ZNF596: variants seen among roughly 807,000 people sequenced by gnomAD.
ZNF596 encodes zinc finger protein 596.
Under a neutral mutation model 48.3 loss-of-function variants are expected in ZNF596, and 45 were observed. The ratio of observed to expected loss-of-function variants is 0.93; its 90% CI spans 0.73 to 1.19. ZNF596 has a LOEUF of 1.19. Among genes scored for constraint, ZNF596 ranks in the 50% most tolerant of loss-of-function variants. ZNF596 has a pLI of 0.00. For missense variants in ZNF596, 848 were observed against 599.7 expected, an observed-to-expected ratio of 1.41 and a Z score of -4.32; for synonymous variants, 270 against 202.0, an observed-to-expected ratio of 1.34 and a Z score of -2.85.
rs911726801 is a variant in ZNF596 at position 246,426 on chromosome 8, G to C, written c.*64G>C. ...GACAAACATACTACAGGAATATTAT[G>C]TCTGTAATCAGTGTGGAAAAGCCTT... is the stretch of plus-strand genomic sequence containing the variant. On this transcript the variant is annotated 3_prime_UTR_variant, in exon 6 of 6. Transcript: ENST00000398612. The C allele has an allele frequency of 4.7e-6, 7 of 1,502,908 alleles. No individual in the cohort carries two copies. The highest frequency in any genetic ancestry group is 6.2e-6 in the Non-Finnish European group (7 of 1,128,026). 93.1% of individuals were successfully genotyped at this position (1,502,908 alleles called of 1,614,324 possible).
Position 246,401 on chromosome 8 carries a change from G to T in ZNF596, c.*39G>T. 6.5e-7 allele frequency: 1 copy of T among 1,530,594 alleles called. No homozygotes were observed. The allele number at this position is 1,530,594 out of a possible 1,614,324, so 94.8% of individuals were successfully genotyped here. A position where few individuals can be genotyped will look rare whatever the true frequency, so the allele number is the denominator to read the frequency against. On this transcript the variant is annotated 3_prime_UTR_variant, in exon 6 of 6. Coordinates refer to ENST00000398612, the MANE Select transcript of ZNF596 (RefSeq NM_001042416.3). Reference sequence around the variant, plus strand: ...TAGCGTTAACACTAAATACACCAAGGACAAACATACTACAGGAATATTATG... The same window carrying T: ...TAGCGTTAACACTAAATACACCAAGTACAAACATACTACAGGAATATTATG...
intron 5 of ZNF596, 36 bp downstream of exon 5, chr8:244,737 T>A: frequency 6.4e-7 from 1 of 1,552,048 alleles, no homozygotes; most frequent in Non-Finnish European, 8.8e-7. Context: ...TTCTTACATA[T>A]AGAAACCTGG....
In ZNF596 at chr8:245,995, G is replaced by C. The variant is rs750470074; in HGVS notation, c.1148G>C (p.Arg383Thr). The C allele has an allele frequency of 3.7e-6, 6 of 1,613,698 alleles. No individual in the cohort carries two copies. The South Asian group carries it at 4.4e-5, about 12-fold the overall frequency. Residue 383 changes from arginine to threonine, a missense_variant, in exon 6 of 6, where the codon AGA becomes ACA. Physicochemically the swap from Arg to Thr is moderately conservative, Grantham distance 71. Coordinates refer to ENST00000398612, the MANE Select transcript of ZNF596 (RefSeq NM_001042416.3). ...TESSVLKRHE[R>T]IHTGEKPYEC... ...TCTTCTGTGCTTAAACGACATGAGA[G>C]AATTCACACTGGAGAGAAACCATAT...
chr8:236,778 G>A (rs1208186856), intron 1 of ZNF596, among the ~76,000 whole-genome samples: 2 of 152,158 alleles, frequency 1.3e-5, no homozygotes, highest in African/African-American at 2.4e-5. Context: ...AACCATACCA[G>A]TGATGGCCAG....
intron 2 of ZNF596, 126 bp from the exon 3 acceptor site, chr8:242,761 C>G: frequency 2.3e-6 from 2 of 870,864 alleles, no homozygotes; most frequent in Non-Finnish European, 3.1e-6. Flanking sequence ...GACAGGAACC[C>G]CAAACACTGT....
At chr8:239,680 G>A (rs542347975) in intron 1 of ZNF596, among the ~76,000 whole-genome samples, 5 of 152,144 alleles carry the variant, frequency 3.3e-5, no homozygotes. Flanking sequence ...CCAAGCAGTT[G>A]GGGGGTACCA....
Position 236,967 on chromosome 8 carries a change from G to A in ZNF596, c.-72-3857G>A, listed in dbSNP as rs1271692859. On this transcript the variant is annotated intron_variant, in intron 1 of 5. Coordinates refer to ENST00000398612, the MANE Select transcript of ZNF596 (RefSeq NM_001042416.3). ...CTTCAAAATAACTTAGGTTACAAAG[G>A]AACTAGAAGTGATTTCACATGTAAG... is the stretch of plus-strand genomic sequence containing the variant. 8 of 152,126 alleles carry A rather than the reference G, an allele frequency of 5.3e-5. No individual in the cohort carries two copies. The South Asian group carries it at 8.3e-4, about 16-fold the overall frequency. The allele number at this position is 152,126 out of a possible 1,614,324, so 9.4% of individuals were successfully genotyped here. A position where few individuals can be genotyped will look rare whatever the true frequency, so the allele number is the denominator to read the frequency against.
rs1796915316 is a variant in ZNF596 at position 242,985 on chromosome 8, G to T, written c.111G>T (p.Leu37Phe). Residue 37 changes from leucine (L) to phenylalanine (F), a missense_variant, in exon 3 of 6, where the codon TTG becomes TTT. Transcript: ENST00000398612. ...SQRKLFQDVM[L>F]ENISHLVSIG... is the part of the protein sequence containing the mutation. Reference sequence around the variant, plus strand: ...GAAAGCTGTTTCAAGATGTGATGTTGGAGAACATCAGTCATCTGGTCTCTA... The same window carrying T: ...GAAAGCTGTTTCAAGATGTGATGTTTGAGAACATCAGTCATCTGGTCTCTA... 1 of 1,611,610 alleles carries T rather than the reference G, an allele frequency of 6.2e-7. No individual in the cohort carries two copies. The highest frequency in any genetic ancestry group is 1.7e-5 in the Admixed American group (1 of 59,944).
In ZNF596 at chr8:232,636, C is replaced by G. The variant is rs1796452039; in HGVS notation, c.-131C>G. On this transcript the variant is annotated 5_prime_UTR_variant, in exon 1 of 6. Transcript: ENST00000398612. ...GTTCCGTCACTGAGGTCGCCCCTGT[C>G]CGGCCCTTCCACCCTAGTTCTCTTC... is the stretch of plus-strand genomic sequence containing the variant. 8.5e-6 allele frequency: 3 copies of G among 353,916 alleles called. No individual in the cohort carries two copies. Among genetic ancestry groups the G allele is most frequent in the East Asian group, 8.6e-5 (1 of 11,588 alleles). The allele number at this position is 353,916 out of a possible 1,614,324, so 21.9% of individuals were successfully genotyped here.
At chr8:238,457 T>G (rs1796708653) in intron 1 of ZNF596, among the ~76,000 whole-genome samples, 1 of 151,786 alleles carries the variant, frequency 6.6e-6, no homozygotes, top group Non-Finnish European at 1.5e-5. Context: ...AATCAAGATG[T>G]GACCCTACTG....
In ZNF596 at chr8:245,145, C is replaced by A; in HGVS notation, c.307-9C>A. On this transcript the variant is annotated splice_polypyrimidine_tract_variant and intron_variant, in intron 5 of 5. Coordinates refer to ENST00000398612, the MANE Select transcript of ZNF596 (RefSeq NM_001042416.3). Reference sequence around the variant, plus strand: ...CTTTAATAGTCTTTCATTTCATTCCCAAAACCAGAGATCTCATACTCAAGA... The same window carrying A: ...CTTTAATAGTCTTTCATTTCATTCCAAAAACCAGAGATCTCATACTCAAGA... The A allele has an allele frequency of 1.9e-6, 3 of 1,560,234 alleles. No individual in the cohort carries two copies. Among genetic ancestry groups the A allele is most frequent in the Middle Eastern group, 1.7e-4 (1 of 5,762 alleles).
At chr8:241,955 C>T (rs149675214) in intron 2 of ZNF596, among the ~76,000 whole-genome samples, 1 of 152,096 alleles carries the variant, frequency 6.6e-6, no homozygotes, top group Non-Finnish European at 1.5e-5. Flanking sequence ...ATCATCAGAT[C>T]TTCTGAGATA....
intron 1 of ZNF596, among the ~76,000 whole-genome samples, chr8:239,730 G>T (rs1796771289): frequency 6.6e-6 from 1 of 152,186 alleles, no homozygotes; most frequent in Non-Finnish European, 1.5e-5. Context: ...CCACCCAGAA[G>T]CTCTAGGAAT....
chr8:238,215 C>T (rs1224175904), intron 1 of ZNF596, among the ~76,000 whole-genome samples: 1 of 152,100 alleles, frequency 6.6e-6, no homozygotes, highest in Non-Finnish European at 1.5e-5. Context: ...TTTTAGGAGG[C>T]TTGTGTGGAG....
rs1167168569 is a variant in ZNF596 at position 238,628 on chromosome 8, C to CAAAAAAA, written c.-72-2173_-72-2167dup. ...TCAGCTTTGCCAACATGGTGAAATA[C>CAAAAAAA]AAAAAAAAAAAAAAAAAAAAAAAAA... On this transcript the variant is annotated intron_variant, in intron 1 of 5. Coordinates refer to ENST00000398612, the MANE Select transcript of ZNF596 (RefSeq NM_001042416.3). Among the ~76,000 whole-genome samples the CAAAAAAA allele has an allele frequency of 5.2e-3, 206 of 39,842 alleles. 9 individuals carry two copies. The highest frequency in any genetic ancestry group is 0.012 in the African/African-American group (197 of 16,608). The allele number at this position is 39,842 out of a possible 152,430, so 26.1% of individuals were successfully genotyped here.
Position 245,831 on chromosome 8 carries a change from T to C in ZNF596, c.984T>C (p.Thr328=). 1 of 1,614,106 alleles carries C rather than the reference T, an allele frequency of 6.2e-7. No homozygotes were observed. Among genetic ancestry groups the C allele is most frequent in the Non-Finnish European group, 8.5e-7 (1 of 1,180,006 alleles). The change falls in exon 6 of 6, where the codon ACT becomes ACC. Residue 328 remains threonine, a synonymous_variant. Transcript: ENST00000398612. ...KCSYLRQHER[T]HNGEKPYECH... is the part of the protein sequence containing the mutation. ...CTTACCTTAGACAACATGAAAGAAC[T>C]CACAATGGAGAGAAACCATATGAAT... is the stretch of plus-strand genomic sequence containing the variant.
intron 3 of ZNF596, 101 bp downstream of exon 3, chr8:243,114 T>G (rs1286673826): frequency 1.9e-6 from 2 of 1,080,838 alleles, no homozygotes; most frequent in South Asian, 2.1e-5. Flanking sequence ...TAGAACAGCT[T>G]TCTCATCTAT....
rs548227331 is a variant in ZNF596, at chr8:245,516, C to T, written c.669C>T (p.His223=). 75 of 1,613,588 alleles carry T rather than the reference C, an allele frequency of 4.6e-5. 1 individual carries two copies. The South Asian group carries it at 5.1e-4, about 11-fold the overall frequency. The change falls in exon 6 of 6, where the codon CAC becomes CAT. Residue 223 remains histidine, a synonymous_variant. Coordinates refer to ENST00000398612, the MANE Select transcript of ZNF596 (RefSeq NM_001042416.3). ...TGATTCACACTGGAGAGAAACCACACGGATGTCATCTATGTGGGAAAGCCT... is the reference window on the plus strand; with the variant it reads ...TGATTCACACTGGAGAGAAACCACATGGATGTCATCTATGTGGGAAAGCCT... ...HEMIHTGEKP[H]GCHLCGKAFT... is the part of the protein sequence containing the mutation.
At chr8:241,042 G>C (rs1297148467) in intron 2 of ZNF596, 135 bp downstream of exon 2, 17 of 1,114,350 alleles carry the variant, frequency 1.5e-5, no homozygotes, top group Middle Eastern at 4.0e-4. Context: ...CAGGGCTTCG[G>C]AATGTTTACA....
Sources: allele counts gnomAD v4.1 joint callset (sites outside exome capture counted in the v4.1 genomes callset), GRCh38; gene constraint gnomAD v4.1.1; transcripts MANE v1.5; gene names NCBI Gene and HGNC (gene_info 2026-07-23, HGNC 2026-07-21).